Variants in ARPC2 observed in about 807,000 individuals in gnomAD.
ARPC2 encodes actin related protein 2/3 complex subunit 2.
Under a neutral mutation model 38.6 loss-of-function variants are expected in ARPC2, and 4 were observed. That is an observed-to-expected ratio of 0.10 (90% CI 0.05 to 0.24). The LOEUF (loss-of-function observed/expected upper bound fraction) is 0.24. ARPC2 is among the 10% of genes least tolerant of loss of function. The pLI is 1.00. For synonymous variants in ARPC2, 125 were observed against 140.8 expected (o/e 0.89, Z 0.79); for missense variants, 229 against 387.3 (o/e 0.59, Z 3.43).
At chr2:218,230,653 G>T (rs543875645) in intron 4 of ARPC2, among the ~76,000 whole-genome samples, 26 of 152,168 alleles carry the variant, frequency 1.7e-4, no homozygotes, top group Admixed American at 6.5e-4. Flanking sequence ...TAAAATATTT[G>T]AATAGACTTT....
At chr2:218,234,551 C>T in intron 5 of ARPC2, 154 bp downstream of exon 5, 1 of 635,704 alleles carries the variant, frequency 1.6e-6, no homozygotes, top group Non-Finnish European at 2.7e-6. Context: ...ATAAAAATAG[C>T]TTTTAAGGGG....
intron 2 of ARPC2, among the ~76,000 whole-genome samples, chr2:218,221,280 G>A (rs1689379773): frequency 1.3e-5 from 2 of 152,220 alleles, no homozygotes; most frequent in South Asian, 2.1e-4. Flanking sequence ...TGGGGTGGGC[G>A]AGGATGATGG....
At chr2:218,238,595 T>TTC (rs1165989067) in intron 5 of ARPC2, 69 bp from the exon 6 acceptor site, 9 of 522,458 alleles carry the variant, frequency 1.7e-5, no homozygotes, top group Non-Finnish European at 2.5e-5. Context: ...TGCTGCTTTT[T>TTC]TTTTTTTTTT....
At chr2:218,248,753 C>T (rs576202224) in intron 8 of ARPC2, among the ~76,000 whole-genome samples, 3 of 152,302 alleles carry the variant, frequency 2.0e-5, no homozygotes, top group Non-Finnish European at 2.9e-5. Context: ...TGAGCCATCG[C>T]GCCCAGCCTC....
intron 7 of ARPC2, among the ~76,000 whole-genome samples, chr2:218,242,790 C>G (rs1049950886): frequency 6.6e-6 from 1 of 152,134 alleles, no homozygotes; most frequent in African/African-American, 2.4e-5. Context: ...TATGAAGTGT[C>G]TCTTTATGTC....
At chr2:218,218,491 A>C (rs1484659381) in intron 2 of ARPC2, among the ~76,000 whole-genome samples, 1 of 152,252 alleles carries the variant, frequency 6.6e-6, no homozygotes, top group Admixed American at 6.5e-5. Context: ...TTCTAGTATA[A>C]TATTTAAAAC....
intron 7 of ARPC2, among the ~76,000 whole-genome samples, chr2:218,243,052 T>G (rs941569366): frequency 6.6e-6 from 1 of 152,222 alleles, no homozygotes; most frequent in African/African-American, 2.4e-5. Flanking sequence ...ATAAAGAAAT[T>G]TACCTGTTAT....
intron 7 of ARPC2, among the ~76,000 whole-genome samples, chr2:218,242,498 T>C (rs1689938636): frequency 6.6e-6 from 1 of 152,206 alleles, no homozygotes; most frequent in Non-Finnish European, 1.5e-5. Context: ...CCTGTTTGCA[T>C]GTGTGGGTAT....
rs1433485062 is a variant in ARPC2 at position 218,245,435 on chromosome 2, C to T, written c.565C>T (p.Arg189Cys). The change falls in exon 8 of 11, where the codon CGC (arginine) becomes TGC (cysteine). Residue 189 changes from arginine (R) to cysteine (C), a missense_variant. This residue lies in a region of ARPC2 where 2 missense variants were observed against 21.0 expected (regional missense o/e 0.10). Transcript: ENST00000315717. ...KVFMQEFKEG[R>C]RASHTAPQVL... Reference sequence around the variant, plus strand: ...GTCTTGGCAGGAGTTCAAAGAAGGACGCAGAGCCAGCCACACAGCCCCACA... The same window carrying T: ...GTCTTGGCAGGAGTTCAAAGAAGGATGCAGAGCCAGCCACACAGCCCCACA... 6.2e-7 allele frequency: 1 copy of T among 1,613,992 alleles called. No homozygotes were observed. The highest frequency in any genetic ancestry group is 8.5e-7 in the Non-Finnish European group (1 of 1,180,030).
intron 2 of ARPC2, 75 bp from the exon 3 acceptor site, chr2:218,225,845 G>C: frequency 7.1e-7 from 1 of 1,410,148 alleles, no homozygotes; most frequent in Non-Finnish European, 1.0e-6. Flanking sequence ...TGAAGCTCAG[G>C]TGCCTTTCCA....
intron 1 of ARPC2, 47 bp from the exon 2 acceptor site, chr2:218,217,416 C>T: frequency 6.3e-7 from 1 of 1,592,918 alleles, no homozygotes; most frequent in African/African-American, 1.3e-5. Flanking sequence ...TCCTTGCCTC[C>T]CTTACCCACC....
At chr2:218,237,345 G>A (rs1161643223) in intron 5 of ARPC2, among the ~76,000 whole-genome samples, 3 of 151,690 alleles carry the variant, frequency 2.0e-5, no homozygotes, top group Admixed American at 6.6e-5. Context: ...GACCACAGGC[G>A]TGTACCACCA....
chr2:218,247,108 G>A (rs1052277592), intron 8 of ARPC2, among the ~76,000 whole-genome samples: 2 of 152,174 alleles, frequency 1.3e-5, no homozygotes, highest in East Asian at 3.9e-4. Context: ...CTGGGTGGCA[G>A]AGTGAGACCC....
At chr2:218,253,610 T>A (rs1690246853) in intron 10 of ARPC2, among the ~76,000 whole-genome samples, 1 of 152,238 alleles carries the variant, frequency 6.6e-6, no homozygotes, top group African/African-American at 2.4e-5. Flanking sequence ...TGTGAACAAG[T>A]GATTCTTCTA....
intron 7 of ARPC2, among the ~76,000 whole-genome samples, chr2:218,242,373 C>G (rs1209314921): frequency 2.0e-5 from 3 of 152,172 alleles, no homozygotes; most frequent in Non-Finnish European, 4.4e-5. Context: ...AAGTTAGTAA[C>G]TAAATAACCA....
intron 5 of ARPC2, chr2:218,236,306 C>G (rs1689767597): frequency 6.6e-6 from 1 of 152,138 alleles, no homozygotes. Context: ...TAGCAAACCT[C>G]AGCTCTAAAT....
chr2:218,242,255 A>G (rs1689933140), intron 7 of ARPC2, among the ~76,000 whole-genome samples: 1 of 152,236 alleles, frequency 6.6e-6, no homozygotes, highest in Non-Finnish European at 1.5e-5. Context: ...GATAGAAGCC[A>G]TCATTTCAAT....
At chr2:218,223,331 G>C (rs930227588) in intron 2 of ARPC2, among the ~76,000 whole-genome samples, 1 of 152,174 alleles carries the variant, frequency 6.6e-6, no homozygotes, top group Non-Finnish European at 1.5e-5. Flanking sequence ...TAGCTGTCTA[G>C]GTTATCAGAT....
chr2:218,220,062 C>T (rs16858885), intron 2 of ARPC2, among the ~76,000 whole-genome samples: 3,918 of 151,982 alleles, frequency 0.026, 190 homozygotes, highest in African/African-American at 0.089. Context: ...CAGGCAGCAA[C>T]AGAAAAAAAG....
Sources: allele counts gnomAD v4.1 joint callset (sites outside exome capture counted in the v4.1 genomes callset), GRCh38; gene constraint gnomAD v4.1.1; regional missense constraint gnomAD v4.1.1; transcripts MANE v1.5; gene names NCBI Gene and HGNC (gene_info 2026-07-23, HGNC 2026-07-21).